Variants in SMOC1 observed in about 807,000 individuals in gnomAD.
SMOC1 encodes SPARC related modular calcium binding 1, also known as SPARC-related modular calcium-binding protein 1.
A neutral mutation model predicts 56.3 loss-of-function variants in SMOC1; 22 were observed. The ratio of observed to expected loss-of-function variants is 0.39; its 90% confidence interval spans 0.28 to 0.56. SMOC1 has a LOEUF of 0.56. Ranked by LOEUF, SMOC1 falls within the 20% of genes least tolerant of loss-of-function variation. SMOC1 has a pLI of 0.61. For missense variants in SMOC1, 509 were observed against 565.4 expected (o/e 0.90, Z 1.01); for synonymous variants, 193 against 215.0 (o/e 0.90, Z 0.89).
Position 69,885,582 on chromosome 14 carries a change from T to C in SMOC1, c.99+5805T>C. 15 of 1,580,094 alleles carry C rather than the reference T, an allele frequency of 9.5e-6. No individual in the cohort carries two copies. The South Asian group carries it at 1.7e-4, about 18-fold the overall frequency. ...TGGACTAGACGTCCCAGTCTTGCCT[T>C]CCCCTTGATAATGCAGTAAGGGACC... On this transcript the variant is annotated intron_variant, in intron 1 of 11. Transcript: ENST00000361956.
chr14:69,927,530 G>A (rs1885042775), intron 1 of SMOC1, among the ~76,000 whole-genome samples: 1 of 152,192 alleles, frequency 6.6e-6, no homozygotes, highest in African/African-American at 2.4e-5. Flanking sequence ...CAAAAAATTA[G>A]CTGGGTGTGG....
intron 1 of SMOC1, among the ~76,000 whole-genome samples, chr14:69,937,047 T>G (rs1048225562): frequency 6.6e-6 from 1 of 152,208 alleles, no homozygotes; most frequent in Non-Finnish European, 1.5e-5. Context: ...CATTGAAGGC[T>G]GGGTGAAAAG....
intron 7 of SMOC1, among the ~76,000 whole-genome samples, chr14:69,995,529 G>A (rs911241616): frequency 2.6e-5 from 4 of 152,186 alleles, no homozygotes; most frequent in South Asian, 4.1e-4. Flanking sequence ...ACAGAATAGT[G>A]CAGTGGTTAA....
chr14:69,885,378 T>G (rs1566660439), intron 1 of SMOC1: 4 of 1,598,748 alleles, frequency 2.5e-6, no homozygotes, highest in Non-Finnish European at 3.4e-6. Flanking sequence ...GCCTTTGCCT[T>G]TTTGCGCTTG....
At position 69,952,186 on chromosome 14, in the gene SMOC1, A is replaced by C; in HGVS notation, c.148A>C (p.Thr50Pro). ...DPQCNLHCSR[T>P]QPKPICASDG... ...ACAGTGCAACCTCCACTGCTCCAGG[A>C]CTCAACCCAAACCCATCTGTGCCTC... is the stretch of plus-strand genomic sequence containing the variant. The change falls in exon 2 of 12, where the codon ACT becomes CCT. Residue 50 changes from threonine to proline, a missense_variant. Physicochemically the swap from Thr to Pro is conservative, Grantham distance 38 (BLOSUM62 -1). Coordinates refer to ENST00000361956, the MANE Select transcript of SMOC1 (RefSeq NM_001034852.3). 6.2e-7 allele frequency: 1 copy of C among 1,614,072 alleles called. No homozygotes were observed.
intron 7 of SMOC1, among the ~76,000 whole-genome samples, chr14:69,995,970 G>A (rs181076970): frequency 1.3e-5 from 2 of 152,164 alleles, no homozygotes; most frequent in African/African-American, 4.8e-5. Flanking sequence ...ACCTGGTGCC[G>A]GAAGTAACAT....
chr14:70,006,858 G>T (rs1233696006), intron 7 of SMOC1, among the ~76,000 whole-genome samples: 1 of 152,172 alleles, frequency 6.6e-6, no homozygotes, highest in Non-Finnish European at 1.5e-5. Context: ...TCCTTGTGAT[G>T]ATCTTAGGGC....
Position 70,030,559 on chromosome 14 carries a change from GTGT to G in SMOC1, c.*307_*309del. The G allele has an allele frequency of 2.5e-6, 1 of 399,618 alleles. No individual in the cohort carries two copies. Among genetic ancestry groups the G allele is most frequent in the South Asian group, 6.5e-5 (1 of 15,412 alleles). 24.8% of individuals were successfully genotyped at this position (399,618 alleles called of 1,614,324 possible). On this transcript the variant is annotated 3_prime_UTR_variant, in exon 12 of 12. Transcript: ENST00000361956. ...GAGGGTTTTGGGGGGGTGGGGGAGG[GTGT>G]TGTTGGGGCTGAGAAGAAAGAGATT...
In SMOC1 at chr14:70,013,399, G is replaced by A. The variant is rs1594855650; in HGVS notation, c.954G>A (p.Gly318=). 29 of 1,614,090 alleles carry A rather than the reference G, an allele frequency of 1.8e-5. No homozygotes were observed. Among genetic ancestry groups the A allele is most frequent in the Non-Finnish European group, 2.5e-5 (29 of 1,179,938 alleles). Residue 318 remains glycine (G), a synonymous_variant, in exon 10 of 12, where the codon GGG becomes GGA. Transcript: ENST00000361956. ...KDRELPGCPE[G]KKMEFITSLL... ...TTTATCTTTTAGGCTGTCCAGAAGG[G>A]AAGAAAATGGAGTTTATCACCAGCC...
intron 1 of SMOC1, among the ~76,000 whole-genome samples, chr14:69,943,202 A>G (rs924057094): frequency 1.3e-5 from 2 of 152,146 alleles, no homozygotes; most frequent in Non-Finnish European, 2.9e-5. Flanking sequence ...AAGCCCTTTA[A>G]TCGGGCATGC....
intron 3 of SMOC1, among the ~76,000 whole-genome samples, chr14:69,965,962 C>T (rs897335347): frequency 3.3e-5 from 5 of 151,980 alleles, no homozygotes; most frequent in African/African-American, 1.2e-4. Flanking sequence ...AATTTTTTTT[C>T]ATGTCAAAAT....
chr14:70,029,025 G>A (rs925916318), intron 11 of SMOC1, among the ~76,000 whole-genome samples: 12 of 152,168 alleles, frequency 7.9e-5, no homozygotes, highest in African/African-American at 2.9e-4. Flanking sequence ...TGAGAGGGAG[G>A]CAGAGCAGAA....
chr14:69,947,463 C>T (rs930669700), intron 1 of SMOC1, among the ~76,000 whole-genome samples: 2 of 152,188 alleles, frequency 1.3e-5, no homozygotes, highest in African/African-American at 4.8e-5. Context: ...AACCCCCATG[C>T]CTGGCCTCAG....
At chr14:69,985,237 T>C (rs1348736229) in intron 5 of SMOC1, among the ~76,000 whole-genome samples, 1 of 152,018 alleles carries the variant, frequency 6.6e-6, no homozygotes, top group Non-Finnish European at 1.5e-5. Context: ...AAAAGTAGTG[T>C]CAACACCAAA....
At chr14:69,893,098 A>G (rs568352627) in intron 1 of SMOC1, among the ~76,000 whole-genome samples, 1 of 152,270 alleles carries the variant, frequency 6.6e-6, no homozygotes, top group African/African-American at 2.4e-5. Flanking sequence ...ATTTTGTAAC[A>G]TGTTTCTCTA....
chr14:69,905,686 A>G (rs541697495), intron 1 of SMOC1, among the ~76,000 whole-genome samples: 1 of 152,302 alleles, frequency 6.6e-6, no homozygotes, highest in East Asian at 1.9e-4. Flanking sequence ...AAGGACTGAA[A>G]ATATCAAGCA....
intron 1 of SMOC1, among the ~76,000 whole-genome samples, chr14:69,946,896 A>AC (rs576450862): frequency 2.3e-3 from 342 of 151,278 alleles, no homozygotes; most frequent in Non-Finnish European, 2.0e-3. Flanking sequence ...TGTTTGATCC[A>AC]CCCCCCATCC....
chr14:69,954,002 G>GGAGTGTGT (rs5809450), intron 3 of SMOC1, among the ~76,000 whole-genome samples: 73,266 of 150,840 alleles, frequency 0.49, 18,895 homozygotes, highest in African/African-American at 0.66. Context: ...TATGGTTCTT[G>GGAGTGTGT]GAGTGTGTGA....
At chr14:69,931,547 C>A (rs1885167091) in intron 1 of SMOC1, among the ~76,000 whole-genome samples, 1 of 152,190 alleles carries the variant, frequency 6.6e-6, no homozygotes, top group African/African-American at 2.4e-5. Flanking sequence ...CTAATGAGCA[C>A]TTAAGAAATA....
Sources: allele counts gnomAD v4.1 joint callset (sites outside exome capture counted in the v4.1 genomes callset), GRCh38; gene constraint gnomAD v4.1.1; transcripts MANE v1.5; gene names NCBI Gene and HGNC (gene_info 2026-07-23, HGNC 2026-07-21).